Variants in SHROOM2 observed in about 807,000 individuals in gnomAD.
SHROOM2 encodes the protein shroom family member 2.
A neutral mutation model predicts 75.9 loss-of-function variants in SHROOM2; 33 were observed. That is an observed-to-expected ratio of 0.43 (90% confidence interval 0.33 to 0.58). The LOEUF is 0.58. Ranked by LOEUF, SHROOM2 falls within the 20% of genes least tolerant of loss-of-function variation. The pLI is 0.04. For missense variants in SHROOM2, 1,434 were observed against 1,461.2 expected (o/e 0.98, Z 0.30); for synonymous variants, 655 against 663.6 (o/e 0.99, Z 0.20).
At position 9,937,136 on chromosome X, in the gene SHROOM2, T is replaced by C. The variant is rs2084717238; in HGVS notation, c.3590T>C (p.Ile1197Thr). 1.2e-5 allele frequency: 14 copies of C among 1,188,444 alleles called. No homozygotes were observed. The East Asian group carries it at 4.0e-4, about 34-fold the overall frequency. The change falls in exon 7 of 10, where the codon ATT (isoleucine) becomes ACT (threonine). Residue 1197 changes from isoleucine (I) to threonine (T), a missense_variant and splice_region_variant. By Grantham distance (89) the Ile-to-Thr change is moderately conservative. Transcript: ENST00000380913. ...TCAGCAGACTGTTCATCTTCCAGAA[T>C]TGAGCGGGTGATGGACAACAACACC... Reference protein sequence around the residue: ...LLIQDEDSTRIERVMDNNTTV... With the variant: ...LLIQDEDSTRTERVMDNNTTV...
intron 4 of SHROOM2, among the ~76,000 whole-genome samples, chrX:9,897,680 C>CAAAAAAAAA (rs56026461): frequency 1.6e-4 from 11 of 70,564 alleles, no homozygotes; most frequent in African/African-American, 5.4e-4. Flanking sequence ...GACCCTGTCT[C>CAAAAAAAAA]AAAAAAAAAA....
rs145208280 is a variant in SHROOM2 at position 9,883,076 on chromosome X, G to A, written c.318-7901G>A. Among the ~76,000 whole-genome samples, 594 of 112,109 alleles carry A rather than the reference G, an allele frequency of 5.3e-3. 2 individuals are homozygous for A. The highest frequency in any genetic ancestry group is 0.018 in the African/African-American group (566 of 30,881). Reference sequence around the variant, plus strand: ...TTAACCATTTCTAGAGTGCTCTGGCGTACTTGTATACATTCATGTGATGTA... The same window carrying A: ...TTAACCATTTCTAGAGTGCTCTGGCATACTTGTATACATTCATGTGATGTA... On this transcript the variant is annotated intron_variant, in intron 2 of 9. Coordinates refer to ENST00000380913, the MANE Select transcript of SHROOM2 (RefSeq NM_001649.4).
intron 6 of SHROOM2, among the ~76,000 whole-genome samples, chrX:9,934,344 A>C (rs1211281049): frequency 9.0e-6 from 1 of 111,440 alleles, no homozygotes; most frequent in African/African-American, 3.3e-5. Context: ...ATAACTCAGC[A>C]GAGAAAGAAC....
chrX:9,891,801 C>T (rs189309512), intron 3 of SHROOM2, among the ~76,000 whole-genome samples: 286 of 109,696 alleles, frequency 2.6e-3, no homozygotes, highest in African/African-American at 9.3e-3. Context: ...CATCTCTTTG[C>T]TTGTATGTGC....
rs757618661 is a variant in SHROOM2 at position 9,815,315 on chromosome X, C to A, written c.165+28605C>A. Among the ~76,000 whole-genome samples the A allele has an allele frequency of 4.1e-4, 45 of 110,111 alleles. 1 individual carries two copies. The highest frequency in any genetic ancestry group is 9.5e-5 in the Non-Finnish European group (5 of 52,896). On this transcript the variant is annotated intron_variant, in intron 1 of 9. Coordinates refer to ENST00000380913, the MANE Select transcript of SHROOM2 (RefSeq NM_001649.4). ...CATATTAAGCAGGCAACTCCAGAAACCTCAACCCACAAAAGAACTTCATCC... is the reference window on the plus strand; with the variant it reads ...CATATTAAGCAGGCAACTCCAGAAAACTCAACCCACAAAAGAACTTCATCC...
rs146153645 is a variant in SHROOM2, at chrX:9,930,098, G to A, written c.2892-2077G>A. Among the ~76,000 whole-genome samples, 32 of 111,616 alleles carry A rather than the reference G, an allele frequency of 2.9e-4. No homozygotes were observed. The East Asian group carries it at 5.6e-3, about 19-fold the overall frequency. ...GCGTGAAAACGAACTAATACCTGGC[G>A]CTTTTAAATAACAGGTACCAGGTGC... On this transcript the variant is annotated intron_variant, in intron 5 of 9. Transcript: ENST00000380913.
rs770491901 is a variant in SHROOM2 at position 9,891,041 on chromosome X, G to A, written c.382G>A (p.Glu128Lys). ...CACCAAGTTCTCTGACAGCCACCCC[G>A]AGCTAGCGGCCTCCCCATTCACCTC... is the stretch of plus-strand genomic sequence containing the variant. Reference protein sequence around the residue: ...HATKFSDSHPELAASPFTSTS... With the variant: ...HATKFSDSHPKLAASPFTSTS... Residue 128 changes from glutamate to lysine, a missense_variant, in exon 3 of 10, where the codon GAG (glutamate) becomes AAG (lysine). Transcript: ENST00000380913. 5.5e-5 allele frequency: 66 copies of A among 1,201,378 alleles called. No individual in the cohort carries two copies. The highest frequency in any genetic ancestry group is 6.7e-5 in the Non-Finnish European group (60 of 890,902).
At chrX:9,832,301 GC>G (rs2083920714) in intron 1 of SHROOM2, among the ~76,000 whole-genome samples, 1 of 111,007 alleles carries the variant, frequency 9.0e-6, no homozygotes, top group Non-Finnish European at 1.9e-5. Flanking sequence ...GGGAGGTAAC[GC>G]CCACCCTGTG....
At chrX:9,899,089 GA>G (rs200967541) in intron 5 of SHROOM2, among the ~76,000 whole-genome samples, 19 of 102,900 alleles carry the variant, frequency 1.8e-4, no homozygotes, top group Middle Eastern at 4.9e-3. Flanking sequence ...ACTAAAAATA[GA>G]AAAAAAAAAA....
In SHROOM2 at chrX:9,937,497, G is replaced by C. The variant is rs1245755120; in HGVS notation, c.3951G>C (p.Glu1317Asp). Residue 1317 changes from glutamate to aspartate, a missense_variant, in exon 7 of 10, where the codon GAG becomes GAC. Around this residue, in one of 3 missense-constraint regions of SHROOM2, gnomAD observed 1,340 missense variants for 1,338.3 expected, o/e 1.00. Coordinates refer to ENST00000380913, the MANE Select transcript of SHROOM2 (RefSeq NM_001649.4). ...KEKTVEDLKS[E>D]ELAREIVGKD... ...AGACTGTGGAAGACCTGAAGTCGGA[G>C]GAGCTGGCCAGGGAGATCGTGGGGA... 1 of 1,212,004 alleles carries C rather than the reference G, an allele frequency of 8.3e-7. No individual in the cohort carries two copies.
chrX:9,921,117 G>A (rs112968532), intron 5 of SHROOM2, among the ~76,000 whole-genome samples: 23,591 of 109,927 alleles, frequency 0.21, 1,937 homozygotes, highest in Middle Eastern at 0.27. Context: ...TTGGCAGGAG[G>A]CCTCAGTTCC....
intron 1 of SHROOM2, among the ~76,000 whole-genome samples, chrX:9,858,257 A>G (rs1486389355): frequency 9.0e-6 from 1 of 111,641 alleles, no homozygotes; most frequent in Non-Finnish European, 1.9e-5. Flanking sequence ...CGGCGGCAGC[A>G]TTAGATTATC....
chrX:9,894,671 G>T lies in SHROOM2; in HGVS notation c.763G>T (p.Ala255Ser). 8.3e-7 allele frequency: 1 copy of T among 1,210,442 alleles called. No homozygotes were observed. Among genetic ancestry groups the T allele is most frequent in the South Asian group, 1.8e-5 (1 of 56,745 alleles). The change falls in exon 4 of 10, where the codon GCA (alanine) becomes TCA (serine). Residue 255 changes from alanine (A) to serine (S), a missense_variant. Transcript: ENST00000380913. The stretch of plus-strand genomic sequence containing the variant: ...GCAGGGTGGCCGGCAGGCCCAGGCC[G>T]CAGGCGACCCTCAGGGCTCGGAGGA... ...PRQGGRQAQAAGDPQGSEEKL... is the reference protein window; with the variant it reads ...PRQGGRQAQASGDPQGSEEKL...
chrX:9,894,722 G>A lies in SHROOM2; in HGVS notation c.814G>A (p.Val272Ile), dbSNP rs1466989939. The A allele has an allele frequency of 8.3e-7, 1 of 1,210,890 alleles. No individual in the cohort carries two copies. The highest frequency in any genetic ancestry group is 1.8e-5 in the South Asian group (1 of 56,806). The change falls in exon 4 of 10, where the codon GTC becomes ATC. Residue 272 changes from valine (V) to isoleucine (I), a missense_variant. Physicochemically the swap from Val to Ile is conservative, Grantham distance 29 (BLOSUM62 3). Coordinates refer to ENST00000380913, the MANE Select transcript of SHROOM2 (RefSeq NM_001649.4). Reference protein sequence around the residue: ...EEKLSCFPPRVPGDSGKGPRP... With the variant: ...EEKLSCFPPRIPGDSGKGPRP... The stretch of plus-strand genomic sequence containing the variant: ...GAAGCTCAGTTGTTTCCCGCCCAGG[G>A]TCCCCGGTGACAGCGGCAAAGGCCC...
chrX:9,932,852 A>C lies in SHROOM2; in HGVS notation c.3569A>C (p.Gln1190Pro). The C allele has an allele frequency of 8.4e-7, 1 of 1,193,808 alleles. No individual in the cohort carries two copies. The highest frequency in any genetic ancestry group is 1.1e-6 in the Non-Finnish European group (1 of 889,077). The change falls in exon 6 of 10, where the codon CAG (glutamine) becomes CCG (proline). Residue 1190 changes from glutamine to proline, a missense_variant. Around this residue, in one of 3 missense-constraint regions of SHROOM2, gnomAD observed 1,340 missense variants for 1,338.3 expected, o/e 1.00. Coordinates refer to ENST00000380913, the MANE Select transcript of SHROOM2 (RefSeq NM_001649.4). ...ACGGACAAACCTCCCCTGCTCATCC[A>C]GGATGAGGATTCAACCAGGTACTGT... ...KLTDKPPLLI[Q>P]DEDSTRIERV... is the part of the protein sequence containing the mutation.
At chrX:9,808,804 G>A (rs1214479185) in intron 1 of SHROOM2, among the ~76,000 whole-genome samples, 2 of 110,833 alleles carry the variant, frequency 1.8e-5, no homozygotes, top group Non-Finnish European at 3.8e-5. Flanking sequence ...GGAGGTTGCA[G>A]TGAGCCAAGT....
rs1008471315 is a variant in SHROOM2 at position 9,895,769 on chromosome X, C to T, written c.1861C>T (p.Arg621Ter). The T allele has an allele frequency of 2.5e-6, 3 of 1,200,372 alleles. No homozygotes were observed. Among genetic ancestry groups the T allele is most frequent in the East Asian group, 3.0e-5 (1 of 33,482 alleles). Reference protein sequence around the residue: ...PFDAHVGKPTRRSDRFATTLR... With the variant: ...PFDAHVGKPT Reference sequence around the variant, plus strand: ...CGACGCCCACGTGGGCAAGCCCACCCGAAGAAGCGACCGCTTTGCCACCAC... The same window carrying T: ...CGACGCCCACGTGGGCAAGCCCACCTGAAGAAGCGACCGCTTTGCCACCAC... The change falls in exon 4 of 10, where the codon CGA (arginine) becomes TGA (stop). Residue 621 changes from arginine to a stop codon, truncating the protein, a stop_gained. Transcript: ENST00000380913. LOFTEE classifies it high-confidence loss of function.
At chrX:9,832,599 G>A (rs1298841291) in intron 1 of SHROOM2, among the ~76,000 whole-genome samples, 1 of 111,822 alleles carries the variant, frequency 8.9e-6, no homozygotes, top group Non-Finnish European at 1.9e-5. Flanking sequence ...CTAGAGCTGG[G>A]AGTGCCCCAG....
chrX:9,864,803 C>T (rs1162054062), intron 1 of SHROOM2, among the ~76,000 whole-genome samples: 2 of 93,589 alleles, frequency 2.1e-5, no homozygotes, highest in Non-Finnish European at 4.6e-5. Context: ...CCAGCCTGGG[C>T]GACAGAGCGA....
Sources: gnomAD v4.1 joint callset for allele counts (sites outside exome capture counted in the v4.1 genomes callset) on GRCh38, gnomAD v4.1.1 for gene constraint, gnomAD v4.1.1 regional missense constraint, MANE v1.5 for transcripts, NCBI Gene and HGNC (gene_info 2026-07-23, HGNC 2026-07-21) for gene names.